TAF1: variants seen among roughly 807,000 people sequenced by gnomAD.
The protein encoded by TAF1 is TATA-box binding protein associated factor 1.
TAF1 carries 2 observed loss-of-function variants against 138.5 expected under a neutral mutation model. That is an observed-to-expected ratio of 0.01 (90% CI 0.01 to 0.05). The LOEUF is 0.05. TAF1 is among the 10% of genes least tolerant of loss of function. The pLI, the probability that TAF1 is intolerant of heterozygous loss-of-function variation, is 1.00. For missense variants in TAF1, 709 were observed against 1,478.0 expected (o/e 0.48, Z 8.53); for synonymous variants, 437 against 503.2 (o/e 0.87, Z 1.76).
At chrX:71,400,427 C>G (rs1343139449) in intron 24 of TAF1, among the ~76,000 whole-genome samples, 1 of 112,242 alleles carries the variant, frequency 8.9e-6, no homozygotes, top group Non-Finnish European at 1.9e-5. Context: ...ACTTTCATGT[C>G]TGTTGTCTGT....
chrX:71,393,224 TTGTGTGTGTG>T (rs201372159), intron 20 of TAF1, 67 bp from the exon 21 acceptor site: 342 of 955,672 alleles, frequency 3.6e-4, no homozygotes, highest in African/African-American at 8.0e-4. Flanking sequence ...CCTGAATGAT[TTGTGTGTGTG>T]TGTGTGTGTG....
At chrX:71,421,077 T>A (rs1030024506) in intron 28 of TAF1, among the ~76,000 whole-genome samples, 1 of 112,877 alleles carries the variant, frequency 8.9e-6, no homozygotes, top group Non-Finnish European at 1.9e-5. Context: ...CTACTGTGTG[T>A]AGATACACAC....
At chrX:71,417,245 T>C (rs1042151414) in intron 28 of TAF1, among the ~76,000 whole-genome samples, 2 of 110,146 alleles carry the variant, frequency 1.8e-5, no homozygotes, top group African/African-American at 6.6e-5. Context: ...CCCCTCACCA[T>C]GGGATTCTCT....
At chrX:71,461,416 A>G (rs1437031804) in intron 37 of TAF1, among the ~76,000 whole-genome samples, 1 of 111,412 alleles carries the variant, frequency 9.0e-6, no homozygotes, top group African/African-American at 3.3e-5. Flanking sequence ...AAGTAACATC[A>G]AATTTGTATA....
chrX:71,375,119 T>G lies in TAF1; in HGVS notation c.353-48T>G, dbSNP rs779595550. 3.0e-5 allele frequency: 35 copies of G among 1,172,570 alleles called. 1 individual carries two copies. The highest frequency in any genetic ancestry group is 1.3e-4 in the Admixed American group (5 of 39,169). On this transcript the variant is annotated intron_variant, in intron 3 of 37. Transcript: ENST00000423759. ...GAGTGGCAAGGAAGCTTAAGGCGGT[T>G]GTATAATATTTTGGATATTGAGGAG...
At chrX:71,417,322 C>T (rs1017502634) in intron 28 of TAF1, among the ~76,000 whole-genome samples, 2 of 110,577 alleles carry the variant, frequency 1.8e-5, no homozygotes, top group African/African-American at 6.6e-5. Flanking sequence ...GGCCCCTCAA[C>T]CATGGACTGT....
chrX:71,372,622 GAGCA>G (rs1267615365), intron 3 of TAF1, among the ~76,000 whole-genome samples: 1 of 105,559 alleles, frequency 9.5e-6, no homozygotes, highest in Non-Finnish European at 1.9e-5. Flanking sequence ...CTGGGCAACA[GAGCA>G]AGACCCCTGT....
In TAF1 at chrX:71,366,423, T is replaced by C. The variant is rs1409778616; in HGVS notation, c.49T>C (p.Ser17Pro). ...AGATTCCGCTGGAGGCGGCCCATTT[T>C]CTTTAGCGGGTTTCCTTTTCGGCAA... is the stretch of plus-strand genomic sequence containing the variant. ...DEDSAGGGPF[S>P]LAGFLFGNIN... Residue 17 changes from serine (S) to proline (P), a missense_variant, in exon 1 of 38, where the codon TCT becomes CCT. Coordinates refer to ENST00000423759, the MANE Select transcript of TAF1 (RefSeq NM_004606.5). The C allele has an allele frequency of 1.7e-6, 2 of 1,209,555 alleles. No homozygotes were observed. The highest frequency in any genetic ancestry group is 2.2e-6 in the Non-Finnish European group (2 of 895,050).
chrX:71,410,358 C>T (rs867723471), intron 28 of TAF1, among the ~76,000 whole-genome samples: 1 of 106,825 alleles, frequency 9.4e-6, no homozygotes, highest in Non-Finnish European at 1.9e-5. Flanking sequence ...CCATGGCACA[C>T]GTTTACCTAT....
intron 28 of TAF1, among the ~76,000 whole-genome samples, chrX:71,417,672 C>T (rs1405738111): frequency 2.7e-5 from 3 of 111,393 alleles, no homozygotes; most frequent in Non-Finnish European, 5.7e-5. Flanking sequence ...CCCCAGTAAG[C>T]AGATACAGTT....
intron 34 of TAF1, among the ~76,000 whole-genome samples, chrX:71,456,175 G>T (rs932239533): frequency 4.5e-5 from 5 of 111,630 alleles, no homozygotes; most frequent in African/African-American, 1.6e-4. Context: ...CCATTGAATG[G>T]CACATGGTTT....
intron 7 of TAF1, 22 bp downstream of exon 7, chrX:71,378,475 G>A: frequency 8.3e-7 from 1 of 1,202,082 alleles, no homozygotes; most frequent in East Asian, 3.0e-5. Flanking sequence ...TGGTATGTAA[G>A]AAAGGAATCA....
intron 32 of TAF1, among the ~76,000 whole-genome samples, chrX:71,430,069 T>C (rs2148650075): frequency 9.0e-6 from 1 of 111,385 alleles, no homozygotes; most frequent in Non-Finnish European, 1.9e-5. Flanking sequence ...TATCCAACAA[T>C]AGGAAATTGT....
chrX:71,389,970 A>G (rs1341231593), intron 18 of TAF1, among the ~76,000 whole-genome samples: 1 of 110,461 alleles, frequency 9.1e-6, no homozygotes, highest in Admixed American at 9.7e-5. Flanking sequence ...GGTTCCTGCA[A>G]TTCTCGCGAT....
intron 23 of TAF1, among the ~76,000 whole-genome samples, chrX:71,397,712 G>A: frequency 9.0e-6 from 1 of 110,880 alleles, no homozygotes; most frequent in Middle Eastern, 4.7e-3. Flanking sequence ...TGAACTCCTG[G>A]GCTCTAGCAA....
rs971392190 is a variant in TAF1, at chrX:71,402,328, A to C, written c.3998+589A>C. ...CGTTATGTTGGCCAGGCTGGACTCAAAACTCCTGACCTCAAGTGATCCGCC... is the reference window on the plus strand; with the variant it reads ...CGTTATGTTGGCCAGGCTGGACTCACAACTCCTGACCTCAAGTGATCCGCC... On this transcript the variant is annotated intron_variant, in intron 25 of 37. Coordinates refer to ENST00000423759, the MANE Select transcript of TAF1 (RefSeq NM_004606.5). Among the ~76,000 whole-genome samples the C allele has an allele frequency of 6.3e-5, 7 of 111,890 alleles. No homozygotes were observed. In the Admixed American group the frequency reaches 6.7e-4, roughly 11 times the overall value.
At chrX:71,494,844 G>A (rs933322241) in intron 13 of TAF1, among the ~76,000 whole-genome samples, 4 of 112,237 alleles carry the variant, frequency 3.6e-5, no homozygotes, top group African/African-American at 1.3e-4. Flanking sequence ...GACCTGAGCG[G>A]GTTACTGCCG....
rs184788125 is a variant in TAF1, at chrX:71,417,403, C to G, written c.4385-3906C>G. ...ACAGAGTCTCACTCTGTTGCCCAGG[C>G]TGGAGTACAGTGGCATAATCACAGC... On this transcript the variant is annotated intron_variant, in intron 28 of 37. Coordinates refer to ENST00000423759, the MANE Select transcript of TAF1 (RefSeq NM_004606.5). Among the ~76,000 whole-genome samples, 11 of 111,297 alleles carry G rather than the reference C, an allele frequency of 9.9e-5. No individual in the cohort carries two copies. The East Asian group carries it at 3.1e-3, about 31-fold the overall frequency.
At chrX:71,451,761 C>T (rs1002529733) in intron 32 of TAF1, among the ~76,000 whole-genome samples, 5 of 110,551 alleles carry the variant, frequency 4.5e-5, no homozygotes, top group African/African-American at 1.6e-4. Flanking sequence ...TGAGTGGACA[C>T]AGCACATGTT....
Sources: gnomAD v4.1 joint callset for allele counts (sites outside exome capture counted in the v4.1 genomes callset) on GRCh38, gnomAD v4.1.1 for gene constraint, MANE v1.5 for transcripts, NCBI Gene and HGNC (gene_info 2026-07-23, HGNC 2026-07-21) for gene names.